CNTN5: variants seen among roughly 807,000 people sequenced by gnomAD.
The protein encoded by CNTN5 is contactin 5, also known as contactin-5.
A neutral mutation model predicts 129.1 loss-of-function variants in CNTN5; 77 were observed. That is an observed-to-expected ratio of 0.60 (90% CI 0.50 to 0.72). The LOEUF (loss-of-function observed/expected upper bound fraction) is 0.72. Among genes scored for constraint, CNTN5 ranks in the 30% least tolerant of loss-of-function variants. The pLI is 0.00. For missense variants in CNTN5, 1,478 were observed against 1,328.8 expected (o/e 1.11, Z -1.75); for synonymous variants, 509 against 465.6 (o/e 1.09, Z -1.20).
chr11:99,941,739 G>A (rs184700899), intron 7 of CNTN5, among the ~76,000 whole-genome samples: 29 of 152,140 alleles, frequency 1.9e-4, no homozygotes, highest in African/African-American at 6.7e-4. Context: ...TGGGGAATGC[G>A]TGTTTGAGGT....
chr11:99,760,780 A>G (rs1944552473), intron 3 of CNTN5, among the ~76,000 whole-genome samples: 1 of 152,032 alleles, frequency 6.6e-6, no homozygotes, highest in African/African-American at 2.4e-5. Flanking sequence ...TGGTTCATAT[A>G]AAAATCCAAA....
chr11:100,279,121 G>A (rs963559775), intron 18 of CNTN5, among the ~76,000 whole-genome samples: 1 of 151,968 alleles, frequency 6.6e-6, no homozygotes, highest in African/African-American at 2.4e-5. Context: ...ATTTGTGTAT[G>A]TTGAATTTGC....
chr11:99,785,454 T>G lies in CNTN5; in HGVS notation c.56-34090T>G, dbSNP rs575970960. Among the ~76,000 whole-genome samples, 13 of 152,288 alleles carry G rather than the reference T, an allele frequency of 8.5e-5. 1 individual carries two copies. The East Asian group carries it at 2.5e-3, about 30-fold the overall frequency. On this transcript the variant is annotated intron_variant, in intron 3 of 24. Transcript: ENST00000524871. ...CTTTTGTTACCATTGCTTTTGGTGTTTTAGGTATGAAGTCTTTGCCCATGC... is the reference window on the plus strand; with the variant it reads ...CTTTTGTTACCATTGCTTTTGGTGTGTTAGGTATGAAGTCTTTGCCCATGC...
chr11:99,477,284 C>T (rs901787147), intron 2 of CNTN5, among the ~76,000 whole-genome samples: 13 of 151,758 alleles, frequency 8.6e-5, no homozygotes, highest in African/African-American at 3.1e-4. Context: ...ATGCAGTTCT[C>T]TGCATTTTCT....
intron 1 of CNTN5, among the ~76,000 whole-genome samples, chr11:99,026,860 T>C (rs564296631): frequency 4.7e-4 from 72 of 151,764 alleles, no homozygotes; most frequent in African/African-American, 1.7e-3. Context: ...TATTTTTGTA[T>C]CTATTCAAAT....
At chr11:99,476,018 A>T (rs1945357153) in intron 2 of CNTN5, among the ~76,000 whole-genome samples, 1 of 151,966 alleles carries the variant, frequency 6.6e-6, no homozygotes, top group South Asian at 2.1e-4. Context: ...CTAACATATC[A>T]TTGACAAACA....
intron 3 of CNTN5, among the ~76,000 whole-genome samples, chr11:99,665,006 A>G (rs1393794637): frequency 6.6e-6 from 1 of 152,208 alleles, no homozygotes; most frequent in Non-Finnish European, 1.5e-5. Context: ...TCCAAGATAC[A>G]CAATAATTGA....
chr11:99,967,131 G>T (rs1951115880), intron 8 of CNTN5, among the ~76,000 whole-genome samples: 1 of 152,088 alleles, frequency 6.6e-6, no homozygotes, highest in African/African-American at 2.4e-5. Flanking sequence ...TCAAGTACAA[G>T]TATAGAATAC....
chr11:100,099,531 A>T (rs551932880), intron 13 of CNTN5, among the ~76,000 whole-genome samples: 9 of 152,200 alleles, frequency 5.9e-5, no homozygotes, highest in African/African-American at 2.2e-4. Flanking sequence ...CATTTTATAA[A>T]GTACTGTACA....
At chr11:99,623,685 A>T (rs1951030280) in intron 3 of CNTN5, among the ~76,000 whole-genome samples, 1 of 150,884 alleles carries the variant, frequency 6.6e-6, no homozygotes, top group Admixed American at 6.7e-5. Flanking sequence ...AGAAATCTCA[A>T]CTAGTTTTAC....
chr11:99,727,254 C>T (rs113405679), intron 3 of CNTN5, among the ~76,000 whole-genome samples: 1,784 of 131,526 alleles, frequency 0.014, 35 homozygotes, highest in African/African-American at 0.05. Context: ...TGCAGTGAGC[C>T]GAGATTGCGC....
chr11:100,090,455 TTC>T (rs1216621825), intron 13 of CNTN5, among the ~76,000 whole-genome samples: 4 of 91,744 alleles, frequency 4.4e-5, no homozygotes, highest in East Asian at 5.8e-4. Flanking sequence ...CTTCCTCTCT[TTC>T]TCTTTCTTTC....
intron 6 of CNTN5, among the ~76,000 whole-genome samples, chr11:99,899,172 C>T (rs544892876): frequency 5.4e-4 from 82 of 152,146 alleles, no homozygotes; most frequent in African/African-American, 1.9e-3. Context: ...CTTCAGTGAA[C>T]AGAGATAATT....
chr11:99,904,043 CTCT>C (rs1949428854), intron 6 of CNTN5, among the ~76,000 whole-genome samples: 1 of 152,058 alleles, frequency 6.6e-6, no homozygotes, highest in Non-Finnish European at 1.5e-5. Context: ...GAAAGGGGAA[CTCT>C]TTTTAATGAT....
At chr11:99,546,747 G>A (rs1296009317) in intron 2 of CNTN5, among the ~76,000 whole-genome samples, 1 of 152,066 alleles carries the variant, frequency 6.6e-6, no homozygotes, top group South Asian at 2.1e-4. Flanking sequence ...GGCCTTCTAT[G>A]ATCCTCAGGC....
intron 1 of CNTN5, among the ~76,000 whole-genome samples, chr11:99,312,003 G>C (rs898947007): frequency 6.6e-6 from 1 of 152,074 alleles, no homozygotes; most frequent in Admixed American, 6.6e-5. Flanking sequence ...CTGTTTTGTT[G>C]ACTGCTACTG....
intron 18 of CNTN5, among the ~76,000 whole-genome samples, chr11:100,293,304 T>C (rs1453801107): frequency 1.3e-5 from 2 of 151,840 alleles, no homozygotes; most frequent in Non-Finnish European, 2.9e-5. Flanking sequence ...AATTCTTACA[T>C]TTCCTGAAAT....
At chr11:100,297,403 G>A (rs1255277137) in intron 18 of CNTN5, among the ~76,000 whole-genome samples, 1 of 151,316 alleles carries the variant, frequency 6.6e-6, no homozygotes, top group East Asian at 1.9e-4. Flanking sequence ...CTACCACAGA[G>A]CATTTTCAAG....
intron 2 of CNTN5, among the ~76,000 whole-genome samples, chr11:99,485,050 T>C (rs1198016526): frequency 6.6e-6 from 1 of 152,060 alleles, no homozygotes; most frequent in Non-Finnish European, 1.5e-5. Flanking sequence ...TAGTTTCAAA[T>C]AGCTAGAAGG....
Sources: gnomAD v4.1 joint callset for allele counts (sites outside exome capture counted in the v4.1 genomes callset) on GRCh38, gnomAD v4.1.1 for gene constraint, MANE v1.5 for transcripts, NCBI Gene and HGNC (gene_info 2026-07-23, HGNC 2026-07-21) for gene names.